TBKBP1: variants seen among roughly 807,000 people sequenced by gnomAD.
TBKBP1 encodes the protein TBK1 binding protein 1, also known as TANK-binding kinase 1-binding protein 1.
In TBKBP1, 47 loss-of-function variants were observed where a neutral mutation model predicts 69.9. That is an observed-to-expected ratio of 0.67 (90% CI 0.53 to 0.86). TBKBP1 has a LOEUF of 0.86. Ranked by LOEUF, TBKBP1 falls within the 40% of genes least tolerant of loss-of-function variation. TBKBP1 has a pLI of 0.00. For synonymous variants in TBKBP1, 418 were observed against 390.3 expected (o/e 1.07, Z -0.84); for missense variants, 831 against 858.6 (o/e 0.97, Z 0.40).
chr17:47,708,427 G>T lies in TBKBP1; in HGVS notation c.906G>T (p.Thr302=). 1 of 1,613,920 alleles carries T rather than the reference G, an allele frequency of 6.2e-7. No individual in the cohort carries two copies. Among genetic ancestry groups the T allele is most frequent in the South Asian group, 1.1e-5 (1 of 91,086 alleles). ...TGGCGCTGGCCTACACCGAGCTGACGGAGGAGCTGGGCCGGCTTCGGGAGT... is the reference window on the plus strand; with the variant it reads ...TGGCGCTGGCCTACACCGAGCTGACTGAGGAGCTGGGCCGGCTTCGGGAGT... ...VNLALAYTEL[T]EELGRLRELS... is the part of the protein sequence containing the mutation. Residue 302 remains threonine (T), a synonymous_variant, in exon 8 of 10, where the codon ACG becomes ACT. Transcript: ENST00000578982. This position sits in a 1 kb window ranked among gnomAD's most constrained non-coding sequence, Gnocchi z 4.4.
At chr17:47,699,834 T>G in intron 7 of TBKBP1, 137 bp downstream of exon 7, 1 of 1,037,892 alleles carries the variant, frequency 9.6e-7, no homozygotes, top group African/African-American at 1.6e-5. Context: ...CTTTTTTTTT[T>G]TTTTTGAGAT....
intron 4 of TBKBP1, 54 bp from the exon 5 acceptor site, chr17:47,698,541 G>A (rs1248555112): frequency 6.7e-7 from 1 of 1,503,048 alleles, no homozygotes; most frequent in African/African-American, 1.4e-5. Flanking sequence ...TGACTCTCCA[G>A]ACATGGGGAA....
rs752187293 is a variant in TBKBP1, at chr17:47,708,492, A to G, written c.971A>G (p.Gln324Arg). ...GGGAGAATCTTGAGGACTCTGTTGC[A>G]GGAACAGGCCCGGAGTGGCGGTGAG... is the stretch of plus-strand genomic sequence containing the variant. The part of the protein sequence containing the change: ...LQGRILRTLL[Q>R]EQARSGGQRH... The change falls in exon 8 of 10, where the codon CAG (glutamine) becomes CGG (arginine). Residue 324 changes from glutamine (Q) to arginine (R), a missense_variant. Coordinates refer to ENST00000578982, the MANE Select transcript of TBKBP1 (RefSeq NM_001394755.1). This position sits in a 1 kb window ranked among gnomAD's most constrained non-coding sequence, Gnocchi z 4.4. 1.9e-6 allele frequency: 3 copies of G among 1,613,866 alleles called. No individual in the cohort carries two copies. The highest frequency in any genetic ancestry group is 2.5e-6 in the Non-Finnish European group (3 of 1,179,832).
Position 47,710,888 on chromosome 17 carries a change from G to A in TBKBP1, c.*262G>A, listed in dbSNP as rs1018961121. 22 of 399,596 alleles carry A rather than the reference G, an allele frequency of 5.5e-5. 1 individual carries two copies. The South Asian group carries it at 5.8e-4, about 11-fold the overall frequency. 24.8% of individuals were successfully genotyped at this position (399,596 alleles called of 1,614,324 possible). ...TGGGGACTTGGGCTGGGATGGGGACGGCATACCCCTCCCAGGCCTCTCCCT... is the reference window on the plus strand; with the variant it reads ...TGGGGACTTGGGCTGGGATGGGGACAGCATACCCCTCCCAGGCCTCTCCCT... On this transcript the variant is annotated 3_prime_UTR_variant, in exon 10 of 10. Coordinates refer to ENST00000578982, the MANE Select transcript of TBKBP1 (RefSeq NM_001394755.1).
chr17:47,697,560 G>A (rs1201656451), intron 4 of TBKBP1, among the ~76,000 whole-genome samples: 1 of 152,112 alleles, frequency 6.6e-6, no homozygotes, highest in Non-Finnish European at 1.5e-5. Flanking sequence ...CACTGCCCTT[G>A]GGAGGCTGTG....
intron 7 of TBKBP1, among the ~76,000 whole-genome samples, chr17:47,701,767 C>G (rs1597961591): frequency 1.3e-5 from 2 of 152,338 alleles, no homozygotes; most frequent in Admixed American, 1.3e-4. Context: ...GAGGCCGTAT[C>G]ATCCACGCTG....
rs2031922589 is a variant in TBKBP1, at chr17:47,711,525, A to T, written c.*899A>T. On this transcript the variant is annotated 3_prime_UTR_variant, in exon 10 of 10. Coordinates refer to ENST00000578982, the MANE Select transcript of TBKBP1 (RefSeq NM_001394755.1). ...CTCTGTTAGCTGGGTGGGTGTCATC[A>T]GCCCCTGCCTCCCAGGCCAGAACCT... 1 of 152,520 alleles carries T rather than the reference A, an allele frequency of 6.6e-6. No homozygotes were observed. Among genetic ancestry groups the T allele is most frequent in the African/African-American group, 2.4e-5 (1 of 41,404 alleles). The allele number at this position is 152,520 out of a possible 1,614,324, so 9.4% of individuals were successfully genotyped here. A position where few individuals can be genotyped will look rare whatever the true frequency, so the allele number is the denominator to read the frequency against.
intron 5 of TBKBP1, 22 bp from the exon 6 acceptor site, chr17:47,699,298 A>T: frequency 6.6e-7 from 1 of 1,505,204 alleles, no homozygotes; most frequent in Non-Finnish European, 8.8e-7. Context: ...AGCTCGCCTG[A>T]CGTTGTCCTG....
intron 7 of TBKBP1, among the ~76,000 whole-genome samples, chr17:47,706,802 C>T (rs2031711089): frequency 1.3e-5 from 2 of 151,446 alleles, no homozygotes; most frequent in Admixed American, 6.6e-5. Flanking sequence ...CACGACTTCC[C>T]CTCCTCTCCT....
intron 4 of TBKBP1, among the ~76,000 whole-genome samples, chr17:47,698,039 C>T (rs111238216): frequency 6.6e-6 from 1 of 151,800 alleles, no homozygotes; most frequent in African/African-American, 2.4e-5. Context: ...AGCCTCCATC[C>T]CTCCTCTGAA....
intron 7 of TBKBP1, among the ~76,000 whole-genome samples, chr17:47,700,343 C>T (rs1415885144): frequency 2.9e-5 from 3 of 104,196 alleles, no homozygotes; most frequent in African/African-American, 7.4e-5. Context: ...TGGGGTTTCT[C>T]CATGTTGGTC....
intron 7 of TBKBP1, among the ~76,000 whole-genome samples, chr17:47,704,584 A>G (rs531421142): frequency 2.0e-5 from 3 of 152,300 alleles, no homozygotes; most frequent in East Asian, 1.9e-4. Flanking sequence ...TTTCCTCCCA[A>G]TTCTGAATCA....
At position 47,709,233 on chromosome 17, in the gene TBKBP1, C is replaced by T; in HGVS notation, c.1500C>T (p.Gly500=). 1 of 1,525,518 alleles carries T rather than the reference C, an allele frequency of 6.6e-7. No individual in the cohort carries two copies. Among genetic ancestry groups the T allele is most frequent in the South Asian group, 1.2e-5 (1 of 82,290 alleles). 94.5% of individuals were successfully genotyped at this position (1,525,518 alleles called of 1,614,324 possible). The change falls in exon 9 of 10, where the codon GGC becomes GGT. Residue 500 remains glycine (G), a synonymous_variant. Coordinates refer to ENST00000578982, the MANE Select transcript of TBKBP1 (RefSeq NM_001394755.1). ...RAYGSELYGP[G]RPLSPRRAFE... is the part of the protein sequence containing the mutation. ...ACGGCAGCGAGCTCTACGGCCCTGG[C>T]AGGCCCCTCAGCCCGCGGCGCGCCT...
Position 47,694,896 on chromosome 17 carries a change from G to C in TBKBP1, c.-35+702G>C, listed in dbSNP as rs1000015091. On this transcript the variant is annotated intron_variant, in intron 1 of 9. Coordinates refer to ENST00000578982, the MANE Select transcript of TBKBP1 (RefSeq NM_001394755.1). ...GGGCCTGTGGGTGGCGGAGGGGGGG[G>C]GGTGGATTGAATTGGAGCCTGCGCC... Among the ~76,000 whole-genome samples, 286 of 151,056 alleles carry C rather than the reference G, an allele frequency of 1.9e-3. 1 individual carries two copies. Among genetic ancestry groups the C allele is most frequent in the Non-Finnish European group, 3.5e-3 (236 of 67,530 alleles).
Position 47,709,385 on chromosome 17 carries a change from T to C in TBKBP1, c.1652T>C (p.Ile551Thr). The C allele has an allele frequency of 6.5e-7, 1 of 1,530,142 alleles. No individual in the cohort carries two copies. The highest frequency in any genetic ancestry group is 8.7e-7 in the Non-Finnish European group (1 of 1,145,970). 94.8% of individuals were successfully genotyped at this position (1,530,142 alleles called of 1,614,324 possible). Residue 551 changes from isoleucine (I) to threonine (T), a missense_variant, in exon 9 of 10, where the codon ATC (isoleucine) becomes ACC (threonine). Ile to Thr is a moderately conservative substitution (Grantham distance 89). Coordinates refer to ENST00000578982, the MANE Select transcript of TBKBP1 (RefSeq NM_001394755.1). The stretch of plus-strand genomic sequence containing the variant: ...GCCTCCTTCTGCGCGGGCTTCCCCA[T>C]CCCCGAGTCGCCCGCCGCCACCGCC... Reference protein sequence around the residue: ...RCASFCAGFPIPESPAATAYA... With the variant: ...RCASFCAGFPTPESPAATAYA...
In TBKBP1 at chr17:47,698,575, C is replaced by A; in HGVS notation, c.454-20C>A. On this transcript the variant is annotated intron_variant, in intron 4 of 9. Transcript: ENST00000578982. ...AAGTCCTGGGCCTGTGCAGACCCTC[C>A]CCTCTGTCTCTCTCTCCAGAGGGCC... 6.4e-7 allele frequency: 1 copy of A among 1,566,546 alleles called. No homozygotes were observed. Among genetic ancestry groups the A allele is most frequent in the South Asian group, 1.2e-5 (1 of 84,902 alleles).
chr17:47,703,483 A>AGTT (rs1374299618), intron 7 of TBKBP1, among the ~76,000 whole-genome samples: 1 of 152,128 alleles, frequency 6.6e-6, no homozygotes, highest in Non-Finnish European at 1.5e-5. Context: ...CACTCACAGG[A>AGTT]GTTAACCCCT....
At chr17:47,706,847 A>ACG (rs1555623196) in intron 7 of TBKBP1, among the ~76,000 whole-genome samples, 4 of 150,956 alleles carry the variant, frequency 2.6e-5, no homozygotes, top group African/African-American at 9.8e-5. Flanking sequence ...ACACACACAC[A>ACG]CACACACACA....
At position 47,696,249 on chromosome 17, in the gene TBKBP1, C is replaced by T; in HGVS notation, c.137C>T (p.Thr46Ile). 1 of 1,613,752 alleles carries T rather than the reference C, an allele frequency of 6.2e-7. No individual in the cohort carries two copies. Among genetic ancestry groups the T allele is most frequent in the Non-Finnish European group, 8.5e-7 (1 of 1,179,852 alleles). ...TCCGCCTCCCACTTTGCCCTCATCA[C>T]TGCTTACGGAGACATCAAGGAACGG... ...MCSASHFALI[T>I]AYGDIKERLG... The change falls in exon 2 of 10, where the codon ACT (threonine) becomes ATT (isoleucine). Residue 46 changes from threonine (T) to isoleucine (I), a missense_variant. By Grantham distance (89) the Thr-to-Ile change is moderately conservative (BLOSUM62 -1). Coordinates refer to ENST00000578982, the MANE Select transcript of TBKBP1 (RefSeq NM_001394755.1).
Sources: gnomAD v4.1 joint callset for allele counts (sites outside exome capture counted in the v4.1 genomes callset) on GRCh38, gnomAD v4.1.1 for gene constraint, Gnocchi (gnomAD v3.1) non-coding constraint, MANE v1.5 for transcripts, NCBI Gene and HGNC (gene_info 2026-07-23, HGNC 2026-07-21) for gene names.